Variants in SMC1B observed in about 807,000 individuals in gnomAD.
SMC1B encodes structural maintenance of chromosomes 1B.
Under a neutral mutation model 157.9 loss-of-function variants are expected in SMC1B, and 60 were observed. The observed-to-expected ratio is 0.38, with a 90% CI of 0.31 to 0.47. SMC1B has a LOEUF of 0.47. Among genes scored for constraint, SMC1B ranks in the 20% least tolerant of loss-of-function variants. SMC1B has a pLI of 0.99. For missense variants in SMC1B, 1,165 were observed against 1,426.2 expected (o/e 0.82, Z 2.95); for synonymous variants, 445 against 483.0 (o/e 0.92, Z 1.03).
chr22:45,408,632 A>G, intron 2 of SMC1B, 78 bp downstream of exon 2: 1 of 951,432 alleles, frequency 1.1e-6, no homozygotes, highest in South Asian at 1.7e-5. Context: ...AATAAACCAT[A>G]CCCTCCAAAG....
At chr22:45,413,369 C>T (rs2087376630) in intron 1 of SMC1B, 90 bp downstream of exon 1, 4 of 1,029,802 alleles carry the variant, frequency 3.9e-6, no homozygotes, top group South Asian at 3.2e-5. Context: ...CAGGCGCCCG[C>T]GGCAGACGCC....
Position 45,344,560 on chromosome 22 carries a change from C to T in SMC1B, c.3704G>A (p.Arg1235His), listed in dbSNP as rs757744760. Reference protein sequence around the residue: ...QESSKRHGESR With the variant: ...QESSKRHGESH ...GTGACTGCTGCAGGACTGCCCCTAG[C>T]GGGACTCTCCGTGTCTCTTGCTGCT... The change falls in exon 25 of 25, where the codon CGC becomes CAC. Residue 1235 changes from arginine (R) to histidine (H), a missense_variant. Coordinates refer to ENST00000357450, the MANE Select transcript of SMC1B (RefSeq NM_148674.5). 2.7e-5 allele frequency: 43 copies of T among 1,610,836 alleles called. No individual in the cohort carries two copies. Among genetic ancestry groups the T allele is most frequent in the Admixed American group, 2.7e-4 (16 of 59,982 alleles).
Position 45,389,916 on chromosome 22 carries a change from A to C in SMC1B, c.1546-19T>G. 6.3e-7 allele frequency: 1 copy of C among 1,597,902 alleles called. No individual in the cohort carries two copies. Among genetic ancestry groups the C allele is most frequent in the Non-Finnish European group, 8.6e-7 (1 of 1,169,582 alleles). On this transcript the variant is annotated intron_variant, in intron 9 of 24. Coordinates refer to ENST00000357450, the MANE Select transcript of SMC1B (RefSeq NM_148674.5). ...TTCCAAACTTAGCAGGTTTCAAAAA[A>C]GGAGAGAAAAACAGATATATTAGAG...
chr22:45,402,672 T>A, intron 4 of SMC1B, 101 bp from the exon 5 acceptor site: 2 of 809,738 alleles, frequency 2.5e-6, no homozygotes, highest in Non-Finnish European at 4.0e-6. Context: ...AATGAATGTT[T>A]ATTTATTAGG....
In SMC1B at chr22:45,374,816, GTTC is replaced by G. The variant is rs536373082; in HGVS notation, c.2059-2527_2059-2525del. Reference sequence around the variant, plus strand: ...TGGCCTATATCGATTTTCCAGGATTGTTCTTCTTTTTTTGTTGTTCTTCCTTCC... The same window carrying G: ...TGGCCTATATCGATTTTCCAGGATTGTTCTTTTTTTGTTGTTCTTCCTTCC... On this transcript the variant is annotated intron_variant, in intron 12 of 24. Transcript: ENST00000357450. Among the ~76,000 whole-genome samples the G allele has an allele frequency of 1.6e-3, 250 of 152,192 alleles. 2 individuals carry two copies. Among genetic ancestry groups the G allele is most frequent in the African/African-American group, 5.7e-3 (238 of 41,534 alleles).
At chr22:45,362,206 C>T (rs1183852128) in intron 16 of SMC1B, among the ~76,000 whole-genome samples, 3 of 151,938 alleles carry the variant, frequency 2.0e-5, no homozygotes, top group African/African-American at 7.3e-5. Context: ...TTTTTTTGTC[C>T]TTATTTTGGA....
intron 13 of SMC1B, 110 bp downstream of exon 13, chr22:45,372,045 A>G: frequency 1.1e-6 from 1 of 941,738 alleles, no homozygotes. Flanking sequence ...ACTCTGTCTC[A>G]GGAAAAAAAA....
chr22:45,368,962 T>C (rs1353089384), intron 15 of SMC1B, among the ~76,000 whole-genome samples: 1 of 152,208 alleles, frequency 6.6e-6, no homozygotes, highest in Non-Finnish European at 1.5e-5. Flanking sequence ...GCCTTTTTAC[T>C]TTCTCTTCCT....
At chr22:45,408,524 T>G (rs997283556) in intron 2 of SMC1B, among the ~76,000 whole-genome samples, 186 bp downstream of exon 2, 5 of 152,124 alleles carry the variant, frequency 3.3e-5, no homozygotes, top group African/African-American at 2.4e-5. Flanking sequence ...CAGACATAAT[T>G]GGAGAAATAT....
chr22:45,385,999 A>G (rs2146818898), intron 11 of SMC1B, among the ~76,000 whole-genome samples: 1 of 152,172 alleles, frequency 6.6e-6, no homozygotes, highest in East Asian at 1.9e-4. Flanking sequence ...TAGGTAATAA[A>G]ATTACTACCA....
chr22:45,411,326 A>G lies in SMC1B; in HGVS notation c.109+2133T>C, dbSNP rs188935083. On this transcript the variant is annotated intron_variant, in intron 1 of 24. Coordinates refer to ENST00000357450, the MANE Select transcript of SMC1B (RefSeq NM_148674.5). ...TGAAAAACATTATGCTAAGTGAAAG[A>G]AGTCAGACACAAAAGGCCATATATT... Among the ~76,000 whole-genome samples the G allele has an allele frequency of 1.9e-3, 285 of 152,380 alleles. 1 individual carries two copies. The highest frequency in any genetic ancestry group is 6.6e-3 in the African/African-American group (274 of 41,592).
chr22:45,394,825 C>T (rs1049053733), intron 7 of SMC1B, 58 bp from the exon 8 acceptor site: 13 of 1,427,838 alleles, frequency 9.1e-6, no homozygotes, highest in Non-Finnish European at 1.2e-5. Flanking sequence ...AACAAAATTA[C>T]ATGCCTAGAA....
chr22:45,353,959 G>A lies in SMC1B; in HGVS notation c.3273+19C>T. 8.6e-7 allele frequency: 1 copy of A among 1,164,528 alleles called. No individual in the cohort carries two copies. The highest frequency in any genetic ancestry group is 1.2e-6 in the Non-Finnish European group (1 of 868,036). The allele number at this position is 1,164,528 out of a possible 1,614,324, so 72.1% of individuals were successfully genotyped here. On this transcript the variant is annotated intron_variant, in intron 21 of 24. Transcript: ENST00000357450. Reference sequence around the variant, plus strand: ...TAACACAGAATTCTCACTAGTATTTGAGGATGAAAGATACATACTTGGGCG... The same window carrying A: ...TAACACAGAATTCTCACTAGTATTTAAGGATGAAAGATACATACTTGGGCG...
chr22:45,402,637 C>T, intron 4 of SMC1B, 66 bp from the exon 5 acceptor site: 1 of 1,023,358 alleles, frequency 9.8e-7, no homozygotes, highest in Non-Finnish European at 1.5e-6. Context: ...TTCATAAACT[C>T]AACTACTATA....
intron 12 of SMC1B, among the ~76,000 whole-genome samples, chr22:45,379,639 GAGTT>G (rs1240484912): frequency 1.3e-5 from 2 of 151,488 alleles, no homozygotes; most frequent in Admixed American, 6.6e-5. Flanking sequence ...TGACTTTGCT[GAGTT>G]AGTTTAGCAC....
chr22:45,380,468 G>A (rs1219372289), intron 12 of SMC1B, among the ~76,000 whole-genome samples: 1 of 152,010 alleles, frequency 6.6e-6, no homozygotes, highest in African/African-American at 2.4e-5. Flanking sequence ...AGTTTCCTGA[G>A]TCTATCTACT....
At chr22:45,413,357 G>A (rs1479482914) in intron 1 of SMC1B, 102 bp downstream of exon 1, 5 of 916,352 alleles carry the variant, frequency 5.5e-6, no homozygotes, top group Non-Finnish European at 8.1e-6. Flanking sequence ...GGGAAGGCCG[G>A]CCAGGCGCCC....
chr22:45,353,891 ACC>A lies in SMC1B; in HGVS notation c.3273+85_3273+86del. On this transcript the variant is annotated intron_variant, in intron 21 of 24. Transcript: ENST00000357450. ...AATAATGTGGCAGTGGTTATTTCCCACCAAAAAAAAAAAAAAAAAAAAAAAAA... is the reference window on the plus strand; with the variant it reads ...AATAATGTGGCAGTGGTTATTTCCCAAAAAAAAAAAAAAAAAAAAAAAAAA... 5.3e-6 allele frequency: 4 copies of A among 749,716 alleles called. No individual in the cohort carries two copies. The South Asian group carries it at 6.7e-5, about 13-fold the overall frequency. 46.4% of individuals were successfully genotyped at this position (749,716 alleles called of 1,614,324 possible). A position where few individuals can be genotyped will look rare whatever the true frequency, so the allele number is the denominator to read the frequency against.
At chr22:45,350,622 A>T (rs1421755461) in intron 22 of SMC1B, among the ~76,000 whole-genome samples, 2 of 152,106 alleles carry the variant, frequency 1.3e-5, no homozygotes, top group Non-Finnish European at 2.9e-5. Context: ...TTTCTCTACA[A>T]TTCCATGTGG....
Sources: allele counts gnomAD v4.1 joint callset (sites outside exome capture counted in the v4.1 genomes callset), GRCh38; gene constraint gnomAD v4.1.1; transcripts MANE v1.5; gene names NCBI Gene and HGNC (gene_info 2026-07-23, HGNC 2026-07-21).